The following ASIC2 variants were observed in gnomAD, a reference collection of about 807,000 sequenced individuals.
The protein encoded by ASIC2 is acid sensing ion channel subunit 2.
ASIC2 carries 25 observed loss-of-function variants against 57.3 expected under a neutral mutation model. The ratio of observed to expected loss-of-function variants is 0.44; its 90% CI spans 0.32 to 0.61. The LOEUF (loss-of-function observed/expected upper bound fraction) is 0.61. ASIC2 is among the 20% of genes least tolerant of loss of function. The pLI is 0.06. For synonymous variants in ASIC2, 319 were observed against 307.5 expected (o/e 1.04, Z -0.39); for missense variants, 641 against 738.1 (o/e 0.87, Z 1.52).
At chr17:33,904,674 T>C (rs1915309485) in intron 1 of ASIC2, among the ~76,000 whole-genome samples, 1 of 152,174 alleles carries the variant, frequency 6.6e-6, no homozygotes, top group Non-Finnish European at 1.5e-5. Context: ...GGAACCTGGT[T>C]CACTATGATA....
chr17:34,098,840 C>T (rs535119478), intron 1 of ASIC2, among the ~76,000 whole-genome samples: 7 of 152,088 alleles, frequency 4.6e-5, no homozygotes, highest in African/African-American at 7.2e-5. Context: ...TGGGAATGCA[C>T]GGTTGGGTAA....
At chr17:33,516,146 A>G (rs1484680399) in intron 1 of ASIC2, among the ~76,000 whole-genome samples, 1 of 151,920 alleles carries the variant, frequency 6.6e-6, no homozygotes, top group Non-Finnish European at 1.5e-5. Flanking sequence ...AAAACAAAAC[A>G]AAACAAAACA....
intron 1 of ASIC2, among the ~76,000 whole-genome samples, chr17:34,139,457 G>T (rs1215481400): frequency 6.6e-6 from 1 of 152,284 alleles, no homozygotes; most frequent in East Asian, 1.9e-4. Context: ...ATTTATAATT[G>T]CCAAAAAATG....
chr17:33,510,422 G>A (rs1469005732), intron 1 of ASIC2, among the ~76,000 whole-genome samples: 1 of 152,094 alleles, frequency 6.6e-6, no homozygotes, highest in African/African-American at 2.4e-5. Context: ...GATGCTAAGG[G>A]TGGGAGGATG....
intron 1 of ASIC2, among the ~76,000 whole-genome samples, chr17:33,506,916 A>T (rs1914281947): frequency 6.6e-6 from 1 of 152,186 alleles, no homozygotes; most frequent in South Asian, 2.1e-4. Context: ...AGCTGGACTA[A>T]ACATGGTCTT....
At chr17:33,751,942 G>T (rs1597861734) in intron 1 of ASIC2, among the ~76,000 whole-genome samples, 1 of 149,862 alleles carries the variant, frequency 6.7e-6, no homozygotes, top group Non-Finnish European at 1.5e-5. Context: ...CCGGGGGTGG[G>T]GGTGAGGGGT....
chr17:33,733,094 TA>T (rs1311131049), intron 1 of ASIC2, among the ~76,000 whole-genome samples: 2 of 151,904 alleles, frequency 1.3e-5, no homozygotes, highest in East Asian at 1.9e-4. Flanking sequence ...TTTATTTTTT[TA>T]AAAAAACTTT....
chr17:33,919,973 C>G (rs942136676), intron 1 of ASIC2, among the ~76,000 whole-genome samples: 1 of 152,106 alleles, frequency 6.6e-6, no homozygotes, highest in African/African-American at 2.4e-5. Flanking sequence ...CAATGAGATA[C>G]CATCTCACAC....
chr17:33,106,558 C>T (rs2092235374), intron 2 of ASIC2, among the ~76,000 whole-genome samples: 1 of 152,176 alleles, frequency 6.6e-6, no homozygotes, highest in Non-Finnish European at 1.5e-5. Flanking sequence ...ACCCTCACCC[C>T]CACTCACTCA....
At chr17:33,506,323 G>A (rs904587365) in intron 1 of ASIC2, among the ~76,000 whole-genome samples, 41 of 151,292 alleles carry the variant, frequency 2.7e-4, no homozygotes, top group African/African-American at 8.7e-4. Context: ...TGAGGCCGGC[G>A]AATGGTGTGA....
intron 1 of ASIC2, among the ~76,000 whole-genome samples, chr17:33,681,906 G>T (rs1174956785): frequency 4.6e-5 from 7 of 152,114 alleles, no homozygotes; most frequent in Admixed American, 4.6e-4. Context: ...GCTGGAACAT[G>T]GTGGAGCCTC....
intron 1 of ASIC2, among the ~76,000 whole-genome samples, chr17:33,974,469 G>A (rs1567775107): frequency 6.6e-6 from 1 of 152,132 alleles, no homozygotes; most frequent in Non-Finnish European, 1.5e-5. Context: ...CCATCTGGCG[G>A]CATGCAGTCT....
intron 1 of ASIC2, chr17:33,581,549 A>T (rs2141999969): frequency 6.6e-6 from 1 of 152,346 alleles, no homozygotes; most frequent in South Asian, 2.1e-4. Context: ...ATAGGAACGA[A>T]GTAGGGAAAG....
intron 1 of ASIC2, among the ~76,000 whole-genome samples, chr17:33,113,199 AG>A (rs1242909896): frequency 6.6e-6 from 1 of 152,226 alleles, no homozygotes; most frequent in East Asian, 1.9e-4. Flanking sequence ...ACTTCTTAGT[AG>A]TGTGACTTTA....
chr17:33,711,514 C>G (rs1268715696), intron 1 of ASIC2, among the ~76,000 whole-genome samples: 1 of 152,172 alleles, frequency 6.6e-6, no homozygotes, highest in African/African-American at 2.4e-5. Flanking sequence ...TTGTATTACT[C>G]TGTTCTCACA....
At chr17:33,254,998 AATTAGACAAAATGCTATTTAG>A (rs1253341455) in intron 1 of ASIC2, among the ~76,000 whole-genome samples, 1 of 150,160 alleles carries the variant, frequency 6.7e-6, no homozygotes, top group Non-Finnish European at 1.5e-5. Flanking sequence ...TCTAATTAAT[AATTAGACAAAATGCTATTTAG>A]AAAGAAATCT....
intron 1 of ASIC2, among the ~76,000 whole-genome samples, chr17:33,907,802 A>T (rs1567752860): frequency 6.6e-6 from 1 of 152,176 alleles, no homozygotes; most frequent in Non-Finnish European, 1.5e-5. Context: ...TTGAGAGTTT[A>T]ATTCTGTACT....
At chr17:34,022,988 T>C (rs148383741) in intron 1 of ASIC2, among the ~76,000 whole-genome samples, 1 of 152,210 alleles carries the variant, frequency 6.6e-6, no homozygotes, top group Non-Finnish European at 1.5e-5. Flanking sequence ...CTCTCTCTTA[T>C]TCCTTCTCTG....
intron 1 of ASIC2, among the ~76,000 whole-genome samples, chr17:33,951,811 C>T (rs1904583674): frequency 2.0e-5 from 3 of 148,106 alleles, no homozygotes; most frequent in Non-Finnish European, 1.5e-5. Flanking sequence ...CCAGGCTGGT[C>T]TTGAACTCCT....
Sources: gnomAD v4.1 joint callset for allele counts (sites outside exome capture counted in the v4.1 genomes callset) on GRCh38, gnomAD v4.1.1 for gene constraint, MANE v1.5 for transcripts, NCBI Gene and HGNC (gene_info 2026-07-23, HGNC 2026-07-21) for gene names.